Variants in ELAVL2 observed in about 807,000 individuals in gnomAD.
ELAVL2 encodes the protein ELAV-like protein 2.
ELAVL2 carries 4 observed loss-of-function variants against 34.6 expected under a neutral mutation model. That is an observed-to-expected ratio of 0.12 (90% CI 0.06 to 0.26). The LOEUF (loss-of-function observed/expected upper bound fraction) is 0.26. Among genes scored for constraint, ELAVL2 ranks in the 10% least tolerant of loss-of-function variants. ELAVL2 has a pLI of 1.00. For missense variants in ELAVL2, 432 were observed against 442.8 expected, an observed-to-expected ratio of 0.98 and a Z score of 0.22; for synonymous variants, 193 against 154.8, an observed-to-expected ratio of 1.25 and a Z score of -1.83.
In ELAVL2 at chr9:23,758,029, T is replaced by C. The variant is rs722698; in HGVS notation, c.229+3977A>G. Among the ~76,000 whole-genome samples the C allele has an allele frequency of 5.0e-3, 754 of 152,238 alleles. 3 individuals are homozygous for C. Among genetic ancestry groups the C allele is most frequent in the South Asian group, 8.3e-3 (40 of 4,832 alleles). On this transcript the variant is annotated intron_variant, in intron 2 of 6. Coordinates refer to ENST00000397312, the MANE Select transcript of ELAVL2 (RefSeq NM_004432.5). The stretch of plus-strand genomic sequence containing the variant: ...AAAGATTTCAAATCTTCCTGTAGAG[T>C]GACTCCAGAGTTTTCCTGTAACCCA...
chr9:23,758,915 C>T (rs1036145243), intron 2 of ELAVL2, among the ~76,000 whole-genome samples: 1 of 152,044 alleles, frequency 6.6e-6, no homozygotes, highest in African/African-American at 2.4e-5. Context: ...TAGTATCTCA[C>T]CAAATGAAGG....
chr9:23,712,090 G>T (rs913475290), intron 3 of ELAVL2, among the ~76,000 whole-genome samples: 1 of 152,152 alleles, frequency 6.6e-6, no homozygotes, highest in African/African-American at 2.4e-5. Context: ...CTGTGGGGCG[G>T]GGGGAGTCTT....
chr9:23,773,288 A>G (rs1215667081), intron 1 of ELAVL2, among the ~76,000 whole-genome samples: 1 of 152,152 alleles, frequency 6.6e-6, no homozygotes, highest in Non-Finnish European at 1.5e-5. Context: ...GACCTTATCC[A>G]CTTATATCCA....
intron 1 of ELAVL2, among the ~76,000 whole-genome samples, chr9:23,787,523 C>G (rs896593110): frequency 9.9e-5 from 15 of 151,558 alleles, no homozygotes; most frequent in Non-Finnish European, 2.1e-4. Flanking sequence ...TGAGCCACCA[C>G]GCCTGGCCTC....
intron 1 of ELAVL2, among the ~76,000 whole-genome samples, chr9:23,802,264 AG>A (rs1482880277): frequency 6.6e-6 from 1 of 152,160 alleles, no homozygotes; most frequent in African/African-American, 2.4e-5. Flanking sequence ...ATTTATAGAA[AG>A]GGTCAAGAGC....
intron 1 of ELAVL2, among the ~76,000 whole-genome samples, chr9:23,794,531 T>C (rs1247848491): frequency 6.6e-6 from 1 of 152,174 alleles, no homozygotes; most frequent in Non-Finnish European, 1.5e-5. Context: ...ACAGCCCCCA[T>C]TTTTCAAATT....
intron 1 of ELAVL2, among the ~76,000 whole-genome samples, chr9:23,791,006 A>C (rs1219060719): frequency 6.6e-6 from 1 of 152,210 alleles, no homozygotes; most frequent in Admixed American, 6.5e-5. Flanking sequence ...TGTGGCAAAA[A>C]CATCCTGTCT....
chr9:23,736,444 T>G (rs140944393), intron 2 of ELAVL2, among the ~76,000 whole-genome samples: 2 of 151,786 alleles, frequency 1.3e-5, no homozygotes, highest in African/African-American at 4.8e-5. Context: ...TAGAAGAAAA[T>G]AGAGCTAAGG....
At chr9:23,810,368 G>T (rs1294743141) in intron 1 of ELAVL2, among the ~76,000 whole-genome samples, 1 of 152,000 alleles carries the variant, frequency 6.6e-6, no homozygotes, top group African/African-American at 2.4e-5. Flanking sequence ...TGGGCATACT[G>T]CTAGGAGTGC....
intron 2 of ELAVL2, among the ~76,000 whole-genome samples, chr9:23,755,629 G>C (rs1333787524): frequency 5.9e-5 from 9 of 152,046 alleles, no homozygotes; most frequent in Non-Finnish European, 1.3e-4. Context: ...ATACAAACTT[G>C]GGCACTAAAA....
upstream of ELAVL2, among the ~76,000 whole-genome samples, chr9:23,826,718 T>C (rs2065319870): frequency 6.6e-6 from 1 of 152,182 alleles, no homozygotes; most frequent in Non-Finnish European, 1.5e-5. Flanking sequence ...ATCTGTGGCA[T>C]ATTTCTTTAT....
chr9:23,804,667 T>C (rs2061993533), intron 1 of ELAVL2, among the ~76,000 whole-genome samples: 1 of 152,162 alleles, frequency 6.6e-6, no homozygotes, highest in African/African-American at 2.4e-5. Flanking sequence ...CGCTAGTCAC[T>C]GCCAAAAAAA....
intron 1 of ELAVL2, chr9:23,821,963 C>G (rs562433035): frequency 6.6e-6 from 1 of 151,490 alleles, no homozygotes; most frequent in Non-Finnish European, 1.5e-5. Flanking sequence ...CCCTTCGGGT[C>G]CGTGCCGGCA....
At chr9:23,803,603 T>A (rs2061836942) in intron 1 of ELAVL2, among the ~76,000 whole-genome samples, 1 of 152,134 alleles carries the variant, frequency 6.6e-6, no homozygotes, top group Non-Finnish European at 1.5e-5. Flanking sequence ...CAAGGCTGGC[T>A]CTCTCAAACA....
intron 4 of ELAVL2, among the ~76,000 whole-genome samples, chr9:23,703,177 C>T (rs2038068507): frequency 6.6e-6 from 1 of 152,114 alleles, no homozygotes; most frequent in African/African-American, 2.4e-5. Context: ...CTGACTAAAA[C>T]AAGCTAGGTC....
chr9:23,832,565 G>C, the ELAVL2 span, among the ~76,000 whole-genome samples: 5 of 152,202 alleles, frequency 3.3e-5, no homozygotes, highest in African/African-American at 1.2e-4. Context: ...CTTGTTCTTT[G>C]TGTCTTAAGT....
At chr9:23,714,612 A>G (rs1355198531) in intron 3 of ELAVL2, among the ~76,000 whole-genome samples, 1 of 152,232 alleles carries the variant, frequency 6.6e-6, no homozygotes, top group Non-Finnish European at 1.5e-5. Flanking sequence ...TCTCTTTTGT[A>G]GAGACCTGTT....
chr9:23,778,396 T>G (rs1300183759), intron 1 of ELAVL2, among the ~76,000 whole-genome samples: 1 of 152,192 alleles, frequency 6.6e-6, no homozygotes, highest in Non-Finnish European at 1.5e-5. Flanking sequence ...AAAACAGTAG[T>G]GTTCAACATT....
intron 3 of ELAVL2, among the ~76,000 whole-genome samples, chr9:23,719,549 G>A (rs1328213809): frequency 6.6e-6 from 1 of 152,116 alleles, no homozygotes; most frequent in Non-Finnish European, 1.5e-5. Flanking sequence ...TAAGCCTTTT[G>A]GCAAGAGTAT....
Sources: allele counts gnomAD v4.1 joint callset (sites outside exome capture counted in the v4.1 genomes callset), GRCh38; gene constraint gnomAD v4.1.1; transcripts MANE v1.5; gene names NCBI Gene and HGNC (gene_info 2026-07-23, HGNC 2026-07-21).